Variants in PIEZO1 observed in about 807,000 individuals in gnomAD.
The protein encoded by PIEZO1 is piezo type mechanosensitive ion channel component 1 (Er blood group), also known as piezo-type mechanosensitive ion channel component 1.
In PIEZO1, 296 loss-of-function variants were observed where a neutral mutation model predicts 297.2. The observed-to-expected ratio is 1.00, with a 90% CI of 0.91 to 1.10. PIEZO1 has a LOEUF of 1.10. Among genes scored for constraint, PIEZO1 ranks in the 50% least tolerant of loss-of-function variants. PIEZO1 has a pLI of 0.00. For missense variants in PIEZO1, 5,018 were observed against 3,455.5 expected, an observed-to-expected ratio of 1.45 and a Z score of -11.34; for synonymous variants, 2,427 against 1,507.5, an observed-to-expected ratio of 1.61 and a Z score of -14.13.
At chr16:88,780,617 A>G (rs1907886899) in intron 1 of PIEZO1, among the ~76,000 whole-genome samples, 1 of 152,238 alleles carries the variant, frequency 6.6e-6, no homozygotes, top group Non-Finnish European at 1.5e-5. Context: ...AGGAAGGGCA[A>G]ACTTGCTTTT....
rs1434447482 is a variant in PIEZO1 at position 88,733,331 on chromosome 16, G to A, written c.2611C>T (p.Leu871=). 4.5e-6 allele frequency: 7 copies of A among 1,550,012 alleles called. No individual in the cohort carries two copies. The highest frequency in any genetic ancestry group is 5.2e-6 in the Non-Finnish European group (6 of 1,146,758). The change falls in exon 19 of 51, where the codon CTG becomes TTG. Residue 871 remains leucine (L), a synonymous_variant. Coordinates refer to ENST00000301015, the MANE Select transcript of PIEZO1 (RefSeq NM_001142864.4). The part of the protein sequence containing the change: ...WTCVIIVCKM[L]YQLKVVNPQE... ...GGGTTGACAACCTTGAGCTGGTACA[G>A]CATCTTACACACGATGATGACGCAG...
Position 88,736,714 on chromosome 16 carries a change from C to G in PIEZO1, c.1221G>C (p.Arg407Ser). 6.5e-7 allele frequency: 1 copy of G among 1,532,630 alleles called. No homozygotes were observed. The allele number at this position is 1,532,630 out of a possible 1,614,324, so 94.9% of individuals were successfully genotyped here. ...CCAGGCTGTGGAGCGGAGACGCCTCCCTGGGCTCAGCCCGCTTGGGCCGCA... is the reference window on the plus strand; with the variant it reads ...CCAGGCTGTGGAGCGGAGACGCCTCGCTGGGCTCAGCCCGCTTGGGCCGCA... ...RPVRPKRAEP[R>S]EASPLHSLGH... Residue 407 changes from arginine (R) to serine (S), a missense_variant, in exon 11 of 51, where the codon AGG becomes AGC. Physicochemically the swap from Arg to Ser is moderately radical, Grantham distance 110. Transcript: ENST00000301015.
intron 1 of PIEZO1, among the ~76,000 whole-genome samples, chr16:88,764,451 G>A (rs901593992): frequency 1.7e-4 from 26 of 152,206 alleles, no homozygotes; most frequent in Admixed American, 1.3e-3. Context: ...CAGAGATCAC[G>A]CGTCGACATT....
At position 88,743,312 on chromosome 16, in the gene PIEZO1, C is replaced by T. The variant is rs1415606266; in HGVS notation, c.161-890G>A. On this transcript the variant is annotated intron_variant, in intron 2 of 50. Transcript: ENST00000301015. Reference sequence around the variant, plus strand: ...GTCCGGACCAAAGTCCTTGACCCACCGGGTTCTGAGTCCTGACAGGGCTGT... The same window carrying T: ...GTCCGGACCAAAGTCCTTGACCCACTGGGTTCTGAGTCCTGACAGGGCTGT... The T allele has an allele frequency of 1.3e-5, 6 of 456,070 alleles. 1 individual carries two copies. Among genetic ancestry groups the T allele is most frequent in the South Asian group, 9.3e-5 (6 of 64,530 alleles). The allele number at this position is 456,070 out of a possible 1,614,324, so 28.3% of individuals were successfully genotyped here.
At chr16:88,730,539 A>C (rs1314433971) in intron 22 of PIEZO1, among the ~76,000 whole-genome samples, 2 of 143,228 alleles carry the variant, frequency 1.4e-5, no homozygotes, top group East Asian at 4.4e-4. Context: ...CGGAGGCTGC[A>C]GTGAGCCGAG....
At chr16:88,727,516 G>A (rs935349817) in intron 23 of PIEZO1, 41 bp downstream of exon 23, 1 of 782,792 alleles carries the variant, frequency 1.3e-6, no homozygotes, top group Non-Finnish European at 2.1e-6. Flanking sequence ...AATGTACTCT[G>A]AGGGTCCTCT....
chr16:88,743,743 G>A (rs753778494), intron 2 of PIEZO1: 2 of 428,106 alleles, frequency 4.7e-6, no homozygotes, highest in South Asian at 1.6e-5. Flanking sequence ...GGATGCCCAG[G>A]ACTCCCTGTC....
At position 88,723,113 on chromosome 16, in the gene PIEZO1, G is replaced by T; in HGVS notation, c.4477C>A (p.Pro1493Thr). The change falls in exon 33 of 51, where the codon CCC becomes ACC. Residue 1493 changes from proline to threonine, a missense_variant. By Grantham distance (38) the Pro-to-Thr change is conservative. Coordinates refer to ENST00000301015, the MANE Select transcript of PIEZO1 (RefSeq NM_001142864.4). ...CACGTACCTGCCGCTGCCTCCTCGGGGCCCTCTGCTGGCTCCACCTCCTGG... is the reference window on the plus strand; with the variant it reads ...CACGTACCTGCCGCTGCCTCCTCGGTGCCCTCTGCTGGCTCCACCTCCTGG... ...PSQEVEPAEG[P>T]EEAAAGRSHV... is the part of the protein sequence containing the mutation. 1.3e-6 allele frequency: 2 copies of T among 1,548,596 alleles called. No individual in the cohort carries two copies. Among genetic ancestry groups the T allele is most frequent in the Non-Finnish European group, 1.7e-6 (2 of 1,146,788 alleles).
rs900352787 is a variant in PIEZO1 at position 88,732,595 on chromosome 16, C to T, written c.2790+12G>A. The stretch of plus-strand genomic sequence containing the variant: ...CTCGCCCGCCCAGCCGCCCACCAGC[C>T]CTTCAACTCACCTGGATGTAGCCCA... On this transcript the variant is annotated intron_variant, in intron 20 of 50. Transcript: ENST00000301015. 3 of 1,546,748 alleles carry T rather than the reference C, an allele frequency of 1.9e-6. No homozygotes were observed. The African/African-American group carries it at 4.1e-5, about 21-fold the overall frequency.
chr16:88,744,472 G>A (rs899773921), intron 2 of PIEZO1: 2 of 152,002 alleles, frequency 1.3e-5, no homozygotes, highest in Non-Finnish European at 2.9e-5. Context: ...CAGGCTGACG[G>A]GTTCCCTGCA....
At chr16:88,782,661 A>G (rs1907987011) in intron 1 of PIEZO1, among the ~76,000 whole-genome samples, 1 of 152,234 alleles carries the variant, frequency 6.6e-6, no homozygotes, top group Admixed American at 6.5e-5. Context: ...TGAAGGCCTC[A>G]TTCATTTCCA....
intron 5 of PIEZO1, chr16:88,741,265 C>T: frequency 3.9e-6 from 2 of 516,610 alleles, no homozygotes; most frequent in Non-Finnish European, 6.9e-6. Context: ...AGGTTTCTGA[C>T]TAGAGGCAGA....
At chr16:88,738,840 A>T in intron 5 of PIEZO1, 104 bp from the exon 6 acceptor site, 1 of 1,054,898 alleles carries the variant, frequency 9.5e-7, no homozygotes, top group Non-Finnish European at 1.4e-6. Context: ...CCACATCCAC[A>T]GCTGCTCCTC....
rs1912331598 is a variant in PIEZO1 at position 88,720,217 on chromosome 16, C to T, written c.6016G>A (p.Val2006Ile). Residue 2006 changes from valine (V) to isoleucine (I), a missense_variant, in exon 42 of 51, where the codon GTC (valine) becomes ATC (isoleucine). Val to Ile is a conservative substitution (Grantham distance 29). Coordinates refer to ENST00000301015, the MANE Select transcript of PIEZO1 (RefSeq NM_001142864.4). Reference protein sequence around the residue: ...SDDQVPEAFLVMLLIQFSTMV... With the variant: ...SDDQVPEAFLIMLLIQFSTMV... ...GTACTGAACTGGATCAGCAGCATGACCAGGAAAGCCTCGGGTACCTGGTCG... is the reference window on the plus strand; with the variant it reads ...GTACTGAACTGGATCAGCAGCATGATCAGGAAAGCCTCGGGTACCTGGTCG... The T allele has an allele frequency of 6.4e-7, 1 of 1,550,546 alleles. No individual in the cohort carries two copies. Among genetic ancestry groups the T allele is most frequent in the Non-Finnish European group, 8.7e-7 (1 of 1,146,982 alleles).
At chr16:88,777,248 G>A (rs555263361) in intron 1 of PIEZO1, among the ~76,000 whole-genome samples, 10 of 152,250 alleles carry the variant, frequency 6.6e-5, no homozygotes, top group Non-Finnish European at 1.3e-4. Flanking sequence ...TGGGATTACC[G>A]GCGTGAGCCA....
In PIEZO1 at chr16:88,720,411, T is replaced by C; in HGVS notation, c.5923A>G (p.Ile1975Val). The change falls in exon 41 of 51, where the codon ATC (isoleucine) becomes GTC (valine). Residue 1975 changes from isoleucine (I) to valine (V), a missense_variant. Coordinates refer to ENST00000301015, the MANE Select transcript of PIEZO1 (RefSeq NM_001142864.4). ...CCAAAGGCCCAGAAGCCAAAAATGA[T>C]GATGATGAAGTCGACAACATCAGCC... ...FLADVVDFII[I>V]IFGFWAFGKH... The C allele has an allele frequency of 6.5e-7, 1 of 1,550,212 alleles. No individual in the cohort carries two copies. Among genetic ancestry groups the C allele is most frequent in the Non-Finnish European group, 8.7e-7 (1 of 1,146,888 alleles).
intron 12 of PIEZO1, among the ~76,000 whole-genome samples, chr16:88,735,905 G>A (rs1242633112): frequency 6.6e-6 from 1 of 151,994 alleles, no homozygotes; most frequent in Non-Finnish European, 1.5e-5. Context: ...CAGAGCCCAC[G>A]CTCACACAGT....
Position 88,731,393 on chromosome 16 carries a change from G to C in PIEZO1, c.3196+313C>G, listed in dbSNP as rs191989860. On this transcript the variant is annotated intron_variant, in intron 22 of 50. Coordinates refer to ENST00000301015, the MANE Select transcript of PIEZO1 (RefSeq NM_001142864.4). Reference sequence around the variant, plus strand: ...GGGTGTGAGGCATCACGGCCGACCCGCACGGGGCCCGGAGAGGACGCAGTG... The same window carrying C: ...GGGTGTGAGGCATCACGGCCGACCCCCACGGGGCCCGGAGAGGACGCAGTG... 2.5e-5 allele frequency: 9 copies of C among 354,018 alleles called. No individual in the cohort carries two copies. The East Asian group carries it at 5.0e-4, about 20-fold the overall frequency. 21.9% of individuals were successfully genotyped at this position (354,018 alleles called of 1,614,324 possible).
At chr16:88,741,431 G>C (rs1484770225) in intron 5 of PIEZO1, 47 bp downstream of exon 5, 5 of 1,471,610 alleles carry the variant, frequency 3.4e-6, no homozygotes, top group Non-Finnish European at 4.5e-6. Flanking sequence ...TGAGACCACA[G>C]CTCTCGAATG....
Sources: allele counts gnomAD v4.1 joint callset (sites outside exome capture counted in the v4.1 genomes callset), GRCh38; gene constraint gnomAD v4.1.1; transcripts MANE v1.5; gene names NCBI Gene and HGNC (gene_info 2026-07-23, HGNC 2026-07-21).